Variants in HAGH observed in about 807,000 individuals in gnomAD.
The protein encoded by HAGH is hydroxyacylglutathione hydrolase.
HAGH carries 29 observed loss-of-function variants against 35.1 expected under a neutral mutation model. The observed-to-expected ratio is 0.83, with a 90% CI of 0.62 to 1.13. HAGH has a LOEUF of 1.13. HAGH is among the 50% of genes most tolerant of loss of function. HAGH has a pLI of 0.00. For missense variants in HAGH, 478 were observed against 419.6 expected, an observed-to-expected ratio of 1.14 and a Z score of -1.22; for synonymous variants, 225 against 176.1, an observed-to-expected ratio of 1.28 and a Z score of -2.20.
intron 7 of HAGH, among the ~76,000 whole-genome samples, chr16:1,815,723 A>C (rs1897859348): frequency 6.6e-6 from 1 of 152,176 alleles, no homozygotes; most frequent in Admixed American, 6.5e-5. Flanking sequence ...CTGTCCACTC[A>C]AGACAGACAC....
chr16:1,809,908 G>A (rs1897562614), intron 7 of HAGH, 75 bp from the exon 8 acceptor site: 2 of 1,092,038 alleles, frequency 1.8e-6, no homozygotes, highest in Admixed American at 3.4e-5. Context: ...TCACGTCTGT[G>A]ATACCAGCAC....
intron 1 of HAGH, 174 bp downstream of exon 1, chr16:1,826,538 C>T (rs947384293): frequency 2.0e-6 from 2 of 981,784 alleles, no homozygotes; most frequent in Non-Finnish European, 2.4e-6. Context: ...GCCCCGCGCC[C>T]GCTCCGCGCC....
In HAGH at chr16:1,809,382, C is replaced by A; in HGVS notation, c.828G>T (p.Arg276Ser). The A allele has an allele frequency of 6.2e-7, 1 of 1,608,222 alleles. No individual in the cohort carries two copies. The highest frequency in any genetic ancestry group is 1.1e-5 in the South Asian group (1 of 91,036). The change falls in exon 9 of 9, where the codon AGG (arginine) becomes AGT (serine). Residue 276 changes from arginine to serine, a missense_variant and splice_region_variant. Physicochemically the swap from Arg to Ser is moderately radical, Grantham distance 110 (BLOSUM62 -1). Coordinates refer to ENST00000397356, the MANE Select transcript of HAGH (RefSeq NM_005326.6). Reference protein sequence around the residue: ...EFTYNPFMRVREKTVQQHAGE... With the variant: ...EFTYNPFMRVSEKTVQQHAGE... ...CTGCGTGCTGCTGCACCGTCTTCTC[C>A]CTGCGGAGGCCAGCACCGGGCTGCA... is the stretch of plus-strand genomic sequence containing the variant.
chr16:1,825,045 G>A lies in HAGH; in HGVS notation c.76+1667C>T, dbSNP rs1898334792. Among the ~76,000 whole-genome samples the A allele has an allele frequency of 3.9e-5, 6 of 152,230 alleles. No individual in the cohort carries two copies. The South Asian group carries it at 1.0e-3, about 26-fold the overall frequency. ...TTACAAACAAAAATACTGCCCACGT[G>A]CGGTGGCTCACGCCTGTCATCCCAG... On this transcript the variant is annotated intron_variant, in intron 1 of 8. Transcript: ENST00000397356.
At chr16:1,824,673 C>G (rs1311880640) in intron 1 of HAGH, among the ~76,000 whole-genome samples, 1 of 152,138 alleles carries the variant, frequency 6.6e-6, no homozygotes, top group Non-Finnish European at 1.5e-5. Context: ...ACACGCGTCT[C>G]CAGGGCCCAC....
At position 1,826,778 on chromosome 16, in the gene HAGH, C is replaced by A; in HGVS notation, c.10G>T (p.Gly4Cys). The change falls in exon 1 of 9, where the codon GGC becomes TGC. Residue 4 changes from glycine to cysteine, a missense_variant. Physicochemically the swap from Gly to Cys is radical, Grantham distance 159. Coordinates refer to ENST00000397356, the MANE Select transcript of HAGH (RefSeq NM_005326.6). ...CTGCGGCGGCCGAGCAGCCCTCGGC[C>A]CACCACCATGACCCGGGCCGGGCTG... MVV[G>C]RGLLGRRSLA... 1 of 1,214,758 alleles carries A rather than the reference C, an allele frequency of 8.2e-7. No individual in the cohort carries two copies. The highest frequency in any genetic ancestry group is 2.5e-4 in the Middle Eastern group (1 of 4,076). The allele number at this position is 1,214,758 out of a possible 1,614,324, so 75.2% of individuals were successfully genotyped here.
intron 5 of HAGH, chr16:1,818,440 G>A (rs1272586598): frequency 6.6e-6 from 1 of 152,326 alleles, no homozygotes; most frequent in Non-Finnish European, 1.5e-5. Context: ...TCCACCCAGG[G>A]GTCCGAGTGT....
intron 7 of HAGH, 93 bp from the exon 8 acceptor site, chr16:1,809,926 G>C (rs932516752): frequency 1.1e-6 from 1 of 898,032 alleles, no homozygotes. Flanking sequence ...CACTTTGGGA[G>C]GCTAAGGCAG....
chr16:1,819,694 T>C, intron 4 of HAGH: 3 of 604,476 alleles, frequency 5.0e-6, no homozygotes. Context: ...AGAGCCCTGC[T>C]TCACAGCCCC....
chr16:1,816,366 G>A (rs1219749293), intron 7 of HAGH, among the ~76,000 whole-genome samples: 1 of 152,126 alleles, frequency 6.6e-6, no homozygotes, highest in Non-Finnish European at 1.5e-5. Context: ...AACCCTGTCA[G>A]AGGCAGCGAC....
intron 7 of HAGH, among the ~76,000 whole-genome samples, chr16:1,815,980 C>T (rs1259496830): frequency 1.8e-5 from 2 of 113,654 alleles, no homozygotes; most frequent in East Asian, 2.8e-4. Context: ...CTCGCTCTGT[C>T]ACCAGGCTGG....
chr16:1,817,105 G>T, intron 6 of HAGH, 63 bp downstream of exon 6: 2 of 1,354,172 alleles, frequency 1.5e-6, no homozygotes, highest in Non-Finnish European at 2.1e-6. Flanking sequence ...GTGCCAGGAG[G>T]GAGAGCAGCC....
intron 1 of HAGH, 173 bp downstream of exon 1, chr16:1,826,539 G>C: frequency 1.0e-6 from 1 of 982,392 alleles, no homozygotes; most frequent in Non-Finnish European, 1.2e-6. Context: ...CCCCGCGCCC[G>C]CTCCGCGCCA....
Position 1,826,767 on chromosome 16 carries a change from C to G in HAGH, c.21G>C (p.Leu7=). The change falls in exon 1 of 9, where the codon CTG becomes CTC. Residue 7 remains leucine, a synonymous_variant. Coordinates refer to ENST00000397356, the MANE Select transcript of HAGH (RefSeq NM_005326.6). MVVGRG[L]LGRRSLAALG... is the part of the protein sequence containing the mutation. The stretch of plus-strand genomic sequence containing the variant: ...GCGCGGCGAGGCTGCGGCGGCCGAG[C>G]AGCCCTCGGCCCACCACCATGACCC... 8.3e-7 allele frequency: 1 copy of G among 1,208,948 alleles called. No individual in the cohort carries two copies. Among genetic ancestry groups the G allele is most frequent in the Non-Finnish European group, 1.0e-6 (1 of 973,122 alleles). The allele number at this position is 1,208,948 out of a possible 1,614,324, so 74.9% of individuals were successfully genotyped here. A position where few individuals can be genotyped will look rare whatever the true frequency, so the allele number is the denominator to read the frequency against.
intron 6 of HAGH, 25 bp downstream of exon 6, chr16:1,817,143 C>A: frequency 6.6e-7 from 1 of 1,522,810 alleles, no homozygotes. Flanking sequence ...CCCCACACCC[C>A]GGCCCGCAGG....
At chr16:1,816,105 C>T (rs1567255622) in intron 7 of HAGH, among the ~76,000 whole-genome samples, 1 of 147,822 alleles carries the variant, frequency 6.8e-6, no homozygotes, top group African/African-American at 2.5e-5. Flanking sequence ...CACGCCCGGC[C>T]AGCAGGGAGA....
rs963802074 is a variant in HAGH, at chr16:1,814,329, C to A, written c.747+2564G>T. Among the ~76,000 whole-genome samples, 3 of 151,900 alleles carry A rather than the reference C, an allele frequency of 2.0e-5. No homozygotes were observed. The East Asian group carries it at 5.8e-4, about 29-fold the overall frequency. ...ATCTCTACTAAAAATACAAAATTAA[C>A]CGGGTGTGGTGGTGCATGCCTGTAA... On this transcript the variant is annotated intron_variant, in intron 7 of 8. Coordinates refer to ENST00000397356, the MANE Select transcript of HAGH (RefSeq NM_005326.6).
At chr16:1,810,127 C>T (rs11248891) in intron 7 of HAGH, 27,089 of 369,472 alleles carry the variant, frequency 0.073, 1,140 homozygotes, top group East Asian at 0.12. Flanking sequence ...GTGCTACTGC[C>T]CTCCAGCCTG....
Position 1,826,714 on chromosome 16 carries a change from A to G in HAGH, c.74T>C (p.Leu25Pro). 1 of 1,118,436 alleles carries G rather than the reference A, an allele frequency of 8.9e-7. No homozygotes were observed. Among genetic ancestry groups the G allele is most frequent in the Non-Finnish European group, 1.1e-6 (1 of 915,718 alleles). The allele number at this position is 1,118,436 out of a possible 1,614,324, so 69.3% of individuals were successfully genotyped here. ...ALGAACARRG[L>P]GPALLGVFCH... ...CCGCACCGCCCCGCCGCACCCACCG[A>G]GGCCTCGGCGGGCGCAGGCGGCTCC... Residue 25 changes from leucine to proline, a missense_variant and splice_region_variant, in exon 1 of 9, where the codon CTC (leucine) becomes CCC (proline). Leu to Pro is a moderately conservative substitution (Grantham distance 98, BLOSUM62 -3). Transcript: ENST00000397356.
Sources: allele counts gnomAD v4.1 joint callset (sites outside exome capture counted in the v4.1 genomes callset), GRCh38; gene constraint gnomAD v4.1.1; transcripts MANE v1.5; gene names NCBI Gene and HGNC (gene_info 2026-07-23, HGNC 2026-07-21).